Variants in ADGRL2 observed in about 807,000 individuals in gnomAD.
ADGRL2 encodes calcium-independent alpha-latrotoxin receptor 2.
A neutral mutation model predicts 157.4 loss-of-function variants in ADGRL2; 44 were observed. The observed-to-expected ratio is 0.28, with a 90% CI of 0.22 to 0.36. The LOEUF (loss-of-function observed/expected upper bound fraction) is 0.36, where lower values mean the gene tolerates loss of function less well. ADGRL2 is among the 10% of genes least tolerant of loss of function. ADGRL2 has a pLI of 1.00. For missense variants in ADGRL2, 1,510 were observed against 1,768.9 expected (o/e 0.85, Z 2.63); for synonymous variants, 585 against 624.7 (o/e 0.94, Z 0.95).
intron 3 of ADGRL2, among the ~76,000 whole-genome samples, chr1:81,685,556 G>A (rs1221133307): frequency 1.3e-5 from 2 of 152,068 alleles, no homozygotes; most frequent in African/African-American, 2.4e-5. Context: ...GGGTTTTCAA[G>A]GTGAAGGACC....
In ADGRL2 at chr1:81,461,081, C is replaced by T. The variant is rs1169727657; in HGVS notation, c.-248+15992C>T. Among the ~76,000 whole-genome samples the T allele has an allele frequency of 2.0e-5, 3 of 152,042 alleles. No homozygotes were observed. The East Asian group carries it at 5.8e-4, about 29-fold the overall frequency. ...CTGAACAGGGTAAGGGAAAGAGCTG[C>T]CAGATCAAACATAATCCAGATGTCT... On this transcript the variant is annotated intron_variant, in intron 2 of 24. Transcript: ENST00000370721.
intron 2 of ADGRL2, among the ~76,000 whole-genome samples, chr1:81,783,412 G>A (rs749546956): frequency 6.6e-6 from 1 of 152,036 alleles, no homozygotes; most frequent in Admixed American, 6.6e-5. Flanking sequence ...TTACAGGCGT[G>A]AGCCACTATG....
intron 2 of ADGRL2, among the ~76,000 whole-genome samples, chr1:81,482,237 C>T (rs371362004): frequency 4.6e-5 from 7 of 152,184 alleles, no homozygotes; most frequent in African/African-American, 1.7e-4. Context: ...ATATAGTTTG[C>T]GGCCAAACAA....
chr1:81,605,348 G>C (rs113921223), intron 3 of ADGRL2, among the ~76,000 whole-genome samples: 1,885 of 152,294 alleles, frequency 0.012, 33 homozygotes, highest in African/African-American at 0.041. Flanking sequence ...TATTATTCAA[G>C]AGAGAAGAGC....
chr1:81,362,882 G>A (rs1424263713), intron 1 of ADGRL2, among the ~76,000 whole-genome samples: 1 of 151,894 alleles, frequency 6.6e-6, no homozygotes, highest in Non-Finnish European at 1.5e-5. Flanking sequence ...AAACATGCAG[G>A]TTGTTTTCTG....
Position 81,421,433 on chromosome 1 carries a change from G to T in ADGRL2, c.-301-23603G>T, listed in dbSNP as rs1359283815. ...TTTCATCGACTTGCATTAGGCAGCA[G>T]AATAATCTCAAGTGGCAATGATAGC... On this transcript the variant is annotated intron_variant, in intron 1 of 24. Transcript: ENST00000370721. 3.9e-5 allele frequency among the ~76,000 whole-genome samples: 6 copies of T among 152,164 alleles called. 1 individual carries two copies. In the East Asian group the frequency reaches 1.2e-3, roughly 29 times the overall value.
chr1:81,369,873 A>G (rs2076132523), intron 1 of ADGRL2, among the ~76,000 whole-genome samples: 1 of 152,156 alleles, frequency 6.6e-6, no homozygotes, highest in East Asian at 1.9e-4. Flanking sequence ...TTTATTTTTT[A>G]TTTCACTAAG....
rs781675287 is a variant in ADGRL2, at chr1:81,987,248, T to G, written c.3637+219T>G. 2.6e-6 allele frequency: 4 copies of G among 1,539,972 alleles called. No individual in the cohort carries two copies. In the Admixed American group the frequency reaches 5.2e-5, roughly 20 times the overall value. On this transcript the variant is annotated intron_variant, in intron 22 of 23. Coordinates refer to ENST00000686636, the MANE Select transcript of ADGRL2 (RefSeq NM_001366006.2). ...ATAGTATTTACAATAATGATCCATG[T>G]TTTTAACACAGGTGGCATAAATCTT...
At chr1:81,498,313 T>A (rs911165275) in intron 2 of ADGRL2, among the ~76,000 whole-genome samples, 1 of 152,224 alleles carries the variant, frequency 6.6e-6, no homozygotes, top group East Asian at 1.9e-4. Flanking sequence ...TATTTATATA[T>A]ACATATATAT....
chr1:81,702,675 T>A (rs2083611296), intron 1 of ADGRL2, among the ~76,000 whole-genome samples: 5 of 152,192 alleles, frequency 3.3e-5, no homozygotes, highest in Admixed American at 3.3e-4. Context: ...TTCCAAAATA[T>A]GTATGAATTA....
At position 81,534,229 on chromosome 1, in the gene ADGRL2, T is replaced by C. The variant is rs912561798; in HGVS notation, c.-247-46647T>C. Among the ~76,000 whole-genome samples the C allele has an allele frequency of 5.3e-5, 8 of 152,316 alleles. No individual in the cohort carries two copies. In the East Asian group the frequency reaches 1.4e-3, roughly 26 times the overall value. ...CAGGCTGGAGTGCAGTGGTATGACC[T>C]TGGCTTACTGCAACCTCCGCCTCCC... is the stretch of plus-strand genomic sequence containing the variant. On this transcript the variant is annotated intron_variant, in intron 2 of 24. Coordinates refer to the ADGRL2 transcript ENST00000370721.
chr1:81,517,822 T>G (rs1570357237), intron 2 of ADGRL2, among the ~76,000 whole-genome samples: 1 of 152,194 alleles, frequency 6.6e-6, no homozygotes, highest in East Asian at 1.9e-4. Flanking sequence ...TTGCTTCCTG[T>G]TCGAGACAGA....
chr1:81,963,351 T>C (rs1656063429), intron 11 of ADGRL2, among the ~76,000 whole-genome samples: 1 of 152,056 alleles, frequency 6.6e-6, no homozygotes, highest in Admixed American at 6.5e-5. Context: ...CTGTGAATAA[T>C]ACTTGTTTTT....
At chr1:81,357,361 A>G (rs1181078152) in intron 1 of ADGRL2, among the ~76,000 whole-genome samples, 3 of 151,942 alleles carry the variant, frequency 2.0e-5, no homozygotes, top group African/African-American at 4.8e-5. Flanking sequence ...GCCTCCCCCA[A>G]CCTGTAAGTT....
chr1:81,333,762 C>CAA (rs35097540), intron 1 of ADGRL2, among the ~76,000 whole-genome samples: 2,268 of 111,884 alleles, frequency 0.02, 35 homozygotes, highest in Middle Eastern at 0.037. Context: ...GTTCCCTAAG[C>CAA]AAAAAAAAAA....
intron 1 of ADGRL2, among the ~76,000 whole-genome samples, chr1:81,835,813 A>G (rs1469755930): frequency 6.6e-6 from 1 of 152,060 alleles, no homozygotes; most frequent in Non-Finnish European, 1.5e-5. Flanking sequence ...GTGGGCCTGA[A>G]TGATTTCAGA....
intron 3 of ADGRL2, among the ~76,000 whole-genome samples, chr1:81,638,845 A>T (rs1400984921): frequency 2.6e-5 from 4 of 152,174 alleles, no homozygotes; most frequent in Non-Finnish European, 5.9e-5. Context: ...TCTACAAAAA[A>T]ATACAAAAAT....
intron 2 of ADGRL2, among the ~76,000 whole-genome samples, chr1:81,864,066 G>T (rs1473577049): frequency 6.6e-6 from 1 of 152,004 alleles, no homozygotes; most frequent in East Asian, 1.9e-4. Flanking sequence ...TGAAAACCAC[G>T]TTAAAATTTT....
intron 2 of ADGRL2, among the ~76,000 whole-genome samples, chr1:81,565,745 C>T (rs528253272): frequency 1.8e-4 from 28 of 152,096 alleles, no homozygotes; most frequent in African/African-American, 6.8e-4. Flanking sequence ...ACCAGAAAAG[C>T]ACATTAGCCT....
Sources: gnomAD v4.1 joint callset for allele counts (sites outside exome capture counted in the v4.1 genomes callset) on GRCh38, gnomAD v4.1.1 for gene constraint, MANE v1.5 for transcripts, NCBI Gene and HGNC (gene_info 2026-07-23, HGNC 2026-07-21) for gene names.